The following STT3B variants were observed in gnomAD, a reference collection of about 807,000 sequenced individuals.
STT3B encodes the protein STT3 oligosaccharyltransferase complex catalytic subunit B, also known as dolichyl-diphosphooligosaccharide--protein glycosyltransferase subunit STT3B.
Under a neutral mutation model 96.8 loss-of-function variants are expected in STT3B, and 29 were observed. The observed-to-expected ratio is 0.30, with a 90% CI of 0.22 to 0.41. STT3B has a LOEUF of 0.41. Ranked by LOEUF, STT3B falls within the 10% of genes least tolerant of loss-of-function variation. STT3B has a pLI of 1.00. For synonymous variants in STT3B, 367 were observed against 360.0 expected, an observed-to-expected ratio of 1.02 and a Z score of -0.22; for missense variants, 640 against 1,022.3, an observed-to-expected ratio of 0.63 and a Z score of 5.10.
chr3:31,636,801 G>T lies in STT3B; in HGVS notation c.*737G>T, dbSNP rs1699761344. 1 of 151,712 alleles carries T rather than the reference G, an allele frequency of 6.6e-6. No individual in the cohort carries two copies. The highest frequency in any genetic ancestry group is 1.5e-5 in the Non-Finnish European group (1 of 67,936). The allele number at this position is 151,712 out of a possible 1,614,324, so 9.4% of individuals were successfully genotyped here. ...TTCAAGGGCTAAATTTATATTTTTTGGAAATCATGGCAACTACACAGGATG... is the reference window on the plus strand; with the variant it reads ...TTCAAGGGCTAAATTTATATTTTTTTGAAATCATGGCAACTACACAGGATG... On this transcript the variant is annotated 3_prime_UTR_variant, in exon 16 of 16. Coordinates refer to ENST00000295770, the MANE Select transcript of STT3B (RefSeq NM_178862.3).
chr3:31,589,385 A>C (rs1283918506), intron 3 of STT3B, among the ~76,000 whole-genome samples: 2 of 152,024 alleles, frequency 1.3e-5, no homozygotes, highest in East Asian at 3.9e-4. Flanking sequence ...CATGTCATGC[A>C]CGAAAAAAAG....
intron 2 of STT3B, among the ~76,000 whole-genome samples, chr3:31,578,934 A>G (rs1212729839): frequency 1.3e-5 from 2 of 152,180 alleles, no homozygotes; most frequent in African/African-American, 2.4e-5. Flanking sequence ...CAAATTGTAT[A>G]GCCAGGAAAG....
At position 31,584,307 on chromosome 3, in the gene STT3B, G is replaced by A. The variant is rs72856016; in HGVS notation, c.711+4211G>A. Reference sequence around the variant, plus strand: ...TATGTTGTGTCTTTATGCCACTACCGCACAGTTTTGGTTACTGTAGCTTTG... The same window carrying A: ...TATGTTGTGTCTTTATGCCACTACCACACAGTTTTGGTTACTGTAGCTTTG... On this transcript the variant is annotated intron_variant, in intron 3 of 15. Transcript: ENST00000295770. Among the ~76,000 whole-genome samples, 424 of 152,198 alleles carry A rather than the reference G, an allele frequency of 2.8e-3. 3 individuals are homozygous for A. The highest frequency in any genetic ancestry group is 9.8e-3 in the African/African-American group (408 of 41,548).
At chr3:31,538,701 A>G (rs945159728) in intron 1 of STT3B, among the ~76,000 whole-genome samples, 5 of 152,200 alleles carry the variant, frequency 3.3e-5, no homozygotes, top group African/African-American at 1.2e-4. Context: ...CAAATAGTAT[A>G]GGACCCACTG....
At chr3:31,562,706 T>C (rs1697909482) in intron 1 of STT3B, among the ~76,000 whole-genome samples, 1 of 152,180 alleles carries the variant, frequency 6.6e-6, no homozygotes, top group South Asian at 2.1e-4. Context: ...CTCAAGTGGC[T>C]GTAAGCAATG....
intron 1 of STT3B, among the ~76,000 whole-genome samples, chr3:31,543,844 C>G (rs1034339228): frequency 1.3e-5 from 2 of 152,104 alleles, no homozygotes; most frequent in Non-Finnish European, 2.9e-5. Flanking sequence ...ACAAGTAACT[C>G]TTACAGAGGT....
intron 2 of STT3B, among the ~76,000 whole-genome samples, chr3:31,578,607 A>C (rs1332660111): frequency 2.6e-5 from 4 of 151,612 alleles, no homozygotes; most frequent in Non-Finnish European, 5.9e-5. Context: ...ACTGGTACCT[A>C]GTATTGAATC....
chr3:31,549,830 T>C (rs1321935559), intron 1 of STT3B, among the ~76,000 whole-genome samples: 1 of 152,150 alleles, frequency 6.6e-6, no homozygotes, highest in East Asian at 1.9e-4. Context: ...ACGTTGTGCG[T>C]GCGTTATATA....
At chr3:31,562,978 G>A (rs1697917326) in intron 1 of STT3B, among the ~76,000 whole-genome samples, 13 of 152,180 alleles carry the variant, frequency 8.5e-5, no homozygotes, top group Admixed American at 8.5e-4. Flanking sequence ...CTCTCCTGTG[G>A]CTAGGATTTT....
At chr3:31,597,111 T>G (rs918836135) in intron 4 of STT3B, among the ~76,000 whole-genome samples, 2 of 152,158 alleles carry the variant, frequency 1.3e-5, no homozygotes, top group Non-Finnish European at 2.9e-5. Context: ...TTCAAAATAC[T>G]TAAATGTTTT....
At position 31,617,906 on chromosome 3, in the gene STT3B, G is replaced by A. The variant is rs141869599; in HGVS notation, c.1124-34G>A. On this transcript the variant is annotated intron_variant, in intron 7 of 15. Transcript: ENST00000295770. ...AAAAGATTTACAAAATAATAAAAAG[G>A]CAGATTAATTTCATCCATGTTTTTC... The A allele has an allele frequency of 3.0e-3, 4,431 of 1,471,458 alleles. 11 individuals carry two copies. Among genetic ancestry groups the A allele is most frequent in the Non-Finnish European group, 3.8e-3 (3,985 of 1,053,656 alleles). 91.2% of individuals were successfully genotyped at this position (1,471,458 alleles called of 1,614,324 possible).
At chr3:31,615,294 G>A in intron 6 of STT3B, 91 bp downstream of exon 6, 2 of 1,000,536 alleles carry the variant, frequency 2.0e-6, no homozygotes, top group Admixed American at 2.8e-5. Flanking sequence ...GATCATTTTG[G>A]TTGTTGCAAT....
chr3:31,540,158 A>G (rs1019814825), intron 1 of STT3B, among the ~76,000 whole-genome samples: 6 of 152,162 alleles, frequency 3.9e-5, no homozygotes, highest in South Asian at 2.1e-4. Context: ...CTTAGTTTAA[A>G]TTTACAATAT....
chr3:31,579,186 T>G (rs1484434414), intron 2 of STT3B, among the ~76,000 whole-genome samples: 1 of 151,970 alleles, frequency 6.6e-6, no homozygotes, highest in Non-Finnish European at 1.5e-5. Flanking sequence ...GTACTTTATG[T>G]GGTATAAAAA....
At chr3:31,625,408 A>G (rs1306074134) in intron 12 of STT3B, among the ~76,000 whole-genome samples, 1 of 152,246 alleles carries the variant, frequency 6.6e-6, no homozygotes, top group East Asian at 1.9e-4. Context: ...TTATTTGCAA[A>G]TATGTAAAGT....
At chr3:31,578,726 C>G (rs1698313149) in intron 2 of STT3B, among the ~76,000 whole-genome samples, 1 of 151,950 alleles carries the variant, frequency 6.6e-6, no homozygotes, top group Admixed American at 6.6e-5. Flanking sequence ...TATTGAGCAT[C>G]CACTTTGTGC....
intron 1 of STT3B, among the ~76,000 whole-genome samples, chr3:31,559,514 G>T (rs552172902): frequency 6.6e-6 from 1 of 151,924 alleles, no homozygotes; most frequent in South Asian, 2.1e-4. Flanking sequence ...CAGTTTTCAA[G>T]GTTCCTCTTG....
chr3:31,560,928 T>G (rs1697862622), intron 1 of STT3B, among the ~76,000 whole-genome samples: 2 of 152,130 alleles, frequency 1.3e-5, no homozygotes, highest in Non-Finnish European at 2.9e-5. Flanking sequence ...ATGAAGACTT[T>G]GTTCATGTTT....
chr3:31,623,884 A>C (rs756838088), intron 11 of STT3B, 23 bp downstream of exon 11: 1 of 1,539,238 alleles, frequency 6.5e-7, no homozygotes. Flanking sequence ...CTCGGATACA[A>C]AAACATTTTA....
Sources: allele counts gnomAD v4.1 joint callset (sites outside exome capture counted in the v4.1 genomes callset), GRCh38; gene constraint gnomAD v4.1.1; transcripts MANE v1.5; gene names NCBI Gene and HGNC (gene_info 2026-07-23, HGNC 2026-07-21).